IMPG1: variants seen among roughly 807,000 people sequenced by gnomAD.
IMPG1 encodes interphotoreceptor matrix proteoglycan of 150 kDa.
IMPG1 carries 85 observed loss-of-function variants against 92.0 expected under a neutral mutation model. The ratio of observed to expected loss-of-function variants is 0.92; its 90% CI spans 0.78 to 1.11. The LOEUF (loss-of-function observed/expected upper bound fraction) is 1.11. IMPG1 is among the 50% of genes least tolerant of loss of function. IMPG1 has a pLI of 0.00. For synonymous variants in IMPG1, 367 were observed against 334.1 expected (o/e 1.10, Z -1.08); for missense variants, 1,022 against 956.0 (o/e 1.07, Z -0.91).
At chr6:75,950,497 A>G (rs999904384) in intron 13 of IMPG1, 65 bp downstream of exon 13, 4 of 1,359,848 alleles carry the variant, frequency 2.9e-6, no homozygotes, top group Non-Finnish European at 4.0e-6. Context: ...CAATAATTAT[A>G]TTATAAAATA....
chr6:76,051,258 C>A (rs779751250), intron 1 of IMPG1, among the ~76,000 whole-genome samples: 20 of 152,182 alleles, frequency 1.3e-4, no homozygotes, highest in Non-Finnish European at 2.9e-4. Flanking sequence ...CAATTACACA[C>A]CTGAGAAATT....
At chr6:76,031,573 AT>A (rs1394363815) in intron 4 of IMPG1, among the ~76,000 whole-genome samples, 1 of 152,014 alleles carries the variant, frequency 6.6e-6, no homozygotes, top group South Asian at 2.1e-4. Context: ...TATTCTTGTT[AT>A]TTTTTTCTGG....
At chr6:75,947,654 A>T (rs1310021457) in intron 13 of IMPG1, 121 bp from the exon 14 acceptor site, 4 of 735,542 alleles carry the variant, frequency 5.4e-6, no homozygotes, top group African/African-American at 5.4e-5. Flanking sequence ...TATTATTTTG[A>T]TTTTTGTTTT....
chr6:76,051,061 T>C (rs901613737), intron 1 of IMPG1, among the ~76,000 whole-genome samples: 3 of 152,074 alleles, frequency 2.0e-5, no homozygotes, highest in African/African-American at 4.8e-5. Flanking sequence ...CAGAACTCTA[T>C]AGAGAGTAAG....
At chr6:75,936,835 CT>C (rs1222829594) in intron 14 of IMPG1, among the ~76,000 whole-genome samples, 3 of 152,198 alleles carry the variant, frequency 2.0e-5, no homozygotes, top group Non-Finnish European at 4.4e-5. Context: ...GGAGGAGGCC[CT>C]GCAGCTGGGC....
chr6:75,925,967 T>C (rs913845011), intron 15 of IMPG1, among the ~76,000 whole-genome samples: 1 of 152,074 alleles, frequency 6.6e-6, no homozygotes, highest in Admixed American at 6.6e-5. Flanking sequence ...GCCAGGCCTG[T>C]ATTTATTTAT....
chr6:75,990,801 G>A (rs912718777), intron 12 of IMPG1, among the ~76,000 whole-genome samples: 1 of 152,132 alleles, frequency 6.6e-6, no homozygotes, highest in Non-Finnish European at 1.5e-5. Context: ...CACAAATGCT[G>A]TTTCACTTTC....
intron 12 of IMPG1, among the ~76,000 whole-genome samples, chr6:75,992,202 T>TTTGCAACCAGGG (rs1194158511): frequency 6.6e-6 from 1 of 152,244 alleles, no homozygotes; most frequent in Non-Finnish European, 1.5e-5. Context: ...CAACTTTCCC[T>TTTGCAACCAGGG]GGTTTTCCAG....
chr6:75,973,932 G>A (rs1291297670), intron 12 of IMPG1, among the ~76,000 whole-genome samples: 4 of 152,192 alleles, frequency 2.6e-5, no homozygotes, highest in Non-Finnish European at 5.9e-5. Flanking sequence ...CTTTAGGAAT[G>A]TGGTGAGGAG....
rs189411983 is a variant in IMPG1, at chr6:76,034,264, T to G, written c.497+51A>C. On this transcript the variant is annotated intron_variant, in intron 4 of 16. Transcript: ENST00000369950. ...AGCTTAGTTTCACTCCATTATATGA[T>G]CTTTTTAAATTCAAAAGCACACACA... 708 of 1,553,648 alleles carry G rather than the reference T, an allele frequency of 4.6e-4. No homozygotes were observed. The African/African-American group carries it at 8.6e-3, about 19-fold the overall frequency.
intron 2 of IMPG1, among the ~76,000 whole-genome samples, chr6:76,036,668 C>T: frequency 6.6e-6 from 1 of 152,068 alleles, no homozygotes; most frequent in African/African-American, 2.4e-5. Context: ...AAATGAGACT[C>T]TGAGGAGAAA....
Position 75,991,305 on chromosome 6 carries a change from C to T in IMPG1, c.1291+11613G>A, listed in dbSNP as rs575838670. Among the ~76,000 whole-genome samples the T allele has an allele frequency of 3.1e-4, 47 of 151,960 alleles. No homozygotes were observed. In the South Asian group the frequency reaches 8.5e-3, roughly 28 times the overall value. Reference sequence around the variant, plus strand: ...ACTCAGGAGGCTGAGGCAAGAGAATCGCTTGAACCCGGGAGGCGGAGGTTG... The same window carrying T: ...ACTCAGGAGGCTGAGGCAAGAGAATTGCTTGAACCCGGGAGGCGGAGGTTG... On this transcript the variant is annotated intron_variant, in intron 12 of 16. Transcript: ENST00000369950.
At chr6:75,951,236 T>TC in intron 12 of IMPG1, 142 bp from the exon 13 acceptor site, 1 of 632,298 alleles carries the variant, frequency 1.6e-6, no homozygotes, top group South Asian at 2.1e-5. Flanking sequence ...TTTTTTTTTT[T>TC]AAAGAAGAGA....
At chr6:75,924,615 A>G (rs1197088278) in intron 15 of IMPG1, among the ~76,000 whole-genome samples, 8 of 25,210 alleles carry the variant, frequency 3.2e-4, no homozygotes, top group African/African-American at 1.0e-3. Context: ...AATTATATAT[A>G]ATATATAATA....
chr6:75,967,495 A>G (rs797021995), intron 12 of IMPG1, among the ~76,000 whole-genome samples: 38 of 152,260 alleles, frequency 2.5e-4, no homozygotes, highest in African/African-American at 8.7e-4. Context: ...ATCAGACACA[A>G]TGTCAGCTCC....
At chr6:76,023,940 C>T (rs773100096) in intron 5 of IMPG1, among the ~76,000 whole-genome samples, 13 of 151,984 alleles carry the variant, frequency 8.6e-5, no homozygotes, top group South Asian at 6.2e-4. Context: ...CAGTACAAAA[C>T]GTCTTTTTAC....
chr6:76,016,641 T>C (rs1783293577), intron 7 of IMPG1, among the ~76,000 whole-genome samples: 2 of 152,228 alleles, frequency 1.3e-5, no homozygotes, highest in Admixed American at 6.5e-5. Context: ...AGGTACGTAT[T>C]GAATTCTCCA....
chr6:76,017,674 C>T (rs1440486170), intron 7 of IMPG1, among the ~76,000 whole-genome samples: 2 of 152,122 alleles, frequency 1.3e-5, no homozygotes, highest in Non-Finnish European at 2.9e-5. Flanking sequence ...GTCATCTAGG[C>T]ATAGAGCAGC....
Position 76,011,215 on chromosome 6 carries a change from T to A in IMPG1, c.817A>T (p.Ile273Leu). 1 of 1,541,790 alleles carries A rather than the reference T, an allele frequency of 6.5e-7. No individual in the cohort carries two copies. Among genetic ancestry groups the A allele is most frequent in the Non-Finnish European group, 9.0e-7 (1 of 1,115,346 alleles). Residue 273 changes from isoleucine to leucine, a missense_variant, in exon 8 of 17, where the codon ATA (isoleucine) becomes TTA (leucine). Around this residue, in one of 3 missense-constraint regions of IMPG1, gnomAD observed 681 missense variants for 583.6 expected, o/e 1.17. Coordinates refer to ENST00000369950, the MANE Select transcript of IMPG1 (RefSeq NM_001563.4). ...TTGAATCCTGGAAGTTTCTTAAATA[T>A]CTTTTGCATCTGCAGAGAGAAAGAA... ...AGKSQLQMQK[I>L]FKKLPGFKKI...
Sources: allele counts gnomAD v4.1 joint callset (sites outside exome capture counted in the v4.1 genomes callset), GRCh38; gene constraint gnomAD v4.1.1; regional missense constraint gnomAD v4.1.1; transcripts MANE v1.5; gene names NCBI Gene and HGNC (gene_info 2026-07-23, HGNC 2026-07-21).